Variants in BAZ2B observed in about 807,000 individuals in gnomAD.
BAZ2B encodes the protein bromodomain adjacent to zinc finger domain 2B, also known as bromodomain adjacent to zinc finger domain protein 2B.
In BAZ2B, 91 loss-of-function variants were observed where a neutral mutation model predicts 246.0. That is an observed-to-expected ratio of 0.37 (90% CI 0.31 to 0.44). The LOEUF is 0.44. Ranked by LOEUF, BAZ2B falls within the 20% of genes least tolerant of loss-of-function variation. The pLI, the probability that BAZ2B is intolerant of heterozygous loss-of-function variation, is 1.00. For synonymous variants in BAZ2B, 855 were observed against 860.0 expected, an observed-to-expected ratio of 0.99 and a Z score of 0.10; for missense variants, 2,332 against 2,533.7, an observed-to-expected ratio of 0.92 and a Z score of 1.71.
At chr2:159,356,345 T>C (rs972645652) in intron 27 of BAZ2B, among the ~76,000 whole-genome samples, 1 of 152,088 alleles carries the variant, frequency 6.6e-6, no homozygotes. Flanking sequence ...TAGGCCGTTT[T>C]CCCCTCACAG....
chr2:159,383,781 G>T (rs978500880), intron 23 of BAZ2B, 101 bp from the exon 24 acceptor site: 18 of 1,002,856 alleles, frequency 1.8e-5, no homozygotes, highest in Non-Finnish European at 2.1e-5. Flanking sequence ...ATGCATTTTT[G>T]AATAAGTAAA....
intron 20 of BAZ2B, among the ~76,000 whole-genome samples, chr2:159,390,643 A>C (rs2063218307): frequency 6.6e-6 from 1 of 152,162 alleles, no homozygotes; most frequent in South Asian, 2.1e-4. Context: ...GGAGTGGAGA[A>C]GAACATGGGA....
intron 34 of BAZ2B, among the ~76,000 whole-genome samples, chr2:159,328,293 G>C (rs1052565266): frequency 2.0e-5 from 3 of 152,086 alleles, no homozygotes; most frequent in African/African-American, 7.2e-5. Context: ...TTCTTGGCTA[G>C]AGTACAAATT....
At chr2:159,695,561 G>C in the BAZ2B span, 1 of 151,986 alleles carries the variant, frequency 6.6e-6, no homozygotes, top group East Asian at 1.9e-4. Flanking sequence ...TTTTGTGCAT[G>C]GTGTGAGGTA....
chr2:159,479,301 A>G (rs1369977602), intron 2 of BAZ2B, among the ~76,000 whole-genome samples: 2 of 152,202 alleles, frequency 1.3e-5, no homozygotes, highest in African/African-American at 4.8e-5. Context: ...CCCATTTAAA[A>G]TGACAAAAGC....
chr2:159,412,670 T>C (rs1048776012), intron 13 of BAZ2B, 125 bp from the exon 14 acceptor site: 1 of 830,676 alleles, frequency 1.2e-6, no homozygotes, highest in South Asian at 1.9e-5. Flanking sequence ...GTATAAGCTT[T>C]AGGAATTTCA....
chr2:159,356,101 T>G (rs2059082717), intron 27 of BAZ2B, among the ~76,000 whole-genome samples: 1 of 152,172 alleles, frequency 6.6e-6, no homozygotes, highest in East Asian at 1.9e-4. Context: ...GAGTTTTTTT[T>G]CATACCCCAG....
At chr2:159,338,814 A>C (rs903187727) in intron 31 of BAZ2B, among the ~76,000 whole-genome samples, 3 of 152,082 alleles carry the variant, frequency 2.0e-5, no homozygotes, top group Non-Finnish European at 4.4e-5. Flanking sequence ...TTCCATTTCA[A>C]CTTCTAAATG....
At chr2:159,692,345 A>G in the BAZ2B span, among the ~76,000 whole-genome samples, 1 of 151,910 alleles carries the variant, frequency 6.6e-6, no homozygotes, top group African/African-American at 2.4e-5. Flanking sequence ...TTTAGTAGAG[A>G]CGGGGTTTCA....
chr2:159,585,151 A>G (rs1687757161), intron 1 of BAZ2B, among the ~76,000 whole-genome samples: 1 of 152,218 alleles, frequency 6.6e-6, no homozygotes, highest in African/African-American at 2.4e-5. Flanking sequence ...AGTTGTCACT[A>G]AGATGGGGAA....
At chr2:159,690,593 A>G in the BAZ2B span, among the ~76,000 whole-genome samples, 11 of 152,118 alleles carry the variant, frequency 7.2e-5, no homozygotes, top group Non-Finnish European at 1.3e-4. Context: ...AGTTAGTTTT[A>G]CCATTGATTT....
At chr2:159,339,714 A>G (rs949415842) in intron 31 of BAZ2B, among the ~76,000 whole-genome samples, 1 of 152,244 alleles carries the variant, frequency 6.6e-6, no homozygotes, top group African/African-American at 2.4e-5. Context: ...CAGTATATTT[A>G]TAGGATGGAA....
intron 27 of BAZ2B, among the ~76,000 whole-genome samples, chr2:159,361,715 T>C (rs1231484256): frequency 1.3e-5 from 2 of 152,094 alleles, no homozygotes; most frequent in East Asian, 1.9e-4. Flanking sequence ...CAAATGCCCA[T>C]AAATGATAGA....
Position 159,320,012 on chromosome 2 carries a change from A to G in BAZ2B, c.*253T>C. 2 of 298,908 alleles carry G rather than the reference A, an allele frequency of 6.7e-6. No homozygotes were observed. The highest frequency in any genetic ancestry group is 6.1e-6 in the Non-Finnish European group (1 of 165,162). 18.5% of individuals were successfully genotyped at this position (298,908 alleles called of 1,614,324 possible). On this transcript the variant is annotated 3_prime_UTR_variant, in exon 37 of 37. Transcript: ENST00000392783. ...TGCACTATAACACCCTTTCCTTTGA[A>G]AATTCTTTGGGTGTGCTTCCCTGTT...
At chr2:159,438,264 C>T in intron 8 of BAZ2B, 39 bp downstream of exon 8, 1 of 1,547,116 alleles carries the variant, frequency 6.5e-7, no homozygotes, top group Non-Finnish European at 8.8e-7. Flanking sequence ...CTATCTTTCT[C>T]TAATAGTAAA....
the BAZ2B span, among the ~76,000 whole-genome samples, chr2:159,645,323 T>G: frequency 6.6e-6 from 1 of 152,134 alleles, no homozygotes; most frequent in Admixed American, 6.6e-5. Context: ...CCAATTTCAT[T>G]GCTTAAAATA....
the BAZ2B span, among the ~76,000 whole-genome samples, chr2:159,649,580 T>C: frequency 6.6e-6 from 1 of 152,244 alleles, no homozygotes; most frequent in East Asian, 1.9e-4. Context: ...GCCCAGGGGT[T>C]GGGGACCCCT....
intron 1 of BAZ2B, among the ~76,000 whole-genome samples, chr2:159,572,726 AT>A (rs1235583101): frequency 6.6e-6 from 1 of 152,194 alleles, no homozygotes; most frequent in East Asian, 1.9e-4. Context: ...ATATTTTACA[AT>A]TATTTTAACA....
intron 27 of BAZ2B, among the ~76,000 whole-genome samples, chr2:159,369,737 A>AG (rs2060612633): frequency 6.6e-6 from 1 of 152,212 alleles, no homozygotes; most frequent in Non-Finnish European, 1.5e-5. Context: ...AAGGTTAAAA[A>AG]GCCACTCACC....
Sources: allele counts gnomAD v4.1 joint callset (sites outside exome capture counted in the v4.1 genomes callset), GRCh38; gene constraint gnomAD v4.1.1; transcripts MANE v1.5; gene names NCBI Gene and HGNC (gene_info 2026-07-23, HGNC 2026-07-21).